Variants in FASTKD2 observed in about 807,000 individuals in gnomAD.
FASTKD2 encodes the protein FAST kinase domains 2.
A neutral mutation model predicts 63.6 loss-of-function variants in FASTKD2; 51 were observed. The ratio of observed to expected loss-of-function variants is 0.80; its 90% confidence interval spans 0.64 to 1.01. The LOEUF (loss-of-function observed/expected upper bound fraction) is 1.01, where lower values mean the gene tolerates loss of function less well. Among genes scored for constraint, FASTKD2 ranks in the 50% least tolerant of loss-of-function variants. FASTKD2 has a pLI of 0.00. For missense variants in FASTKD2, 786 were observed against 831.1 expected, an observed-to-expected ratio of 0.95 and a Z score of 0.67; for synonymous variants, 284 against 293.4, an observed-to-expected ratio of 0.97 and a Z score of 0.33.
At chr2:206,788,688 C>G (rs1222930028) in intron 9 of FASTKD2, 131 bp from the exon 10 acceptor site, 1 of 621,024 alleles carries the variant, frequency 1.6e-6, no homozygotes, top group Non-Finnish European at 2.8e-6. Context: ...GCTGAGATCA[C>G]ACTACTGCAC....
In FASTKD2 at chr2:206,793,787, A is replaced by G. The variant is rs890885533; in HGVS notation, c.*1985A>G. ...TAGCATTCTAGTGTTAGCATTCTTC[A>G]TTGCTTTGTGTCAATGAAAGAAAAA... On this transcript the variant is annotated 3_prime_UTR_variant, in exon 12 of 12. Coordinates refer to ENST00000402774, the MANE Select transcript of FASTKD2 (RefSeq NM_001136193.2). Among the ~76,000 whole-genome samples, 2 of 152,150 alleles carry G rather than the reference A, an allele frequency of 1.3e-5. No homozygotes were observed. Among genetic ancestry groups the G allele is most frequent in the Non-Finnish European group, 2.9e-5 (2 of 68,026 alleles).
rs372709084 is a variant in FASTKD2 at position 206,788,901 on chromosome 2, A to G, written c.1896A>G (p.Gln632=). The part of the protein sequence containing the change: ...DVDTTSATDI[Q]RVAVLCVSRS... ...ATACAACTTCTGCTACAGATATTCA[A>G]AGGTTGCTTACATATATTTCATTTG... The change falls in exon 10 of 12, where the codon CAA becomes CAG. Residue 632 remains glutamine (Q), a splice_region_variant and synonymous_variant. Coordinates refer to ENST00000402774, the MANE Select transcript of FASTKD2 (RefSeq NM_001136193.2). The G allele has an allele frequency of 8.6e-6, 13 of 1,505,260 alleles. No individual in the cohort carries two copies. In the East Asian group the frequency reaches 2.7e-4, roughly 31 times the overall value. The allele number at this position is 1,505,260 out of a possible 1,614,324, so 93.2% of individuals were successfully genotyped here.
rs72218499 is a variant in FASTKD2 at position 206,789,168 on chromosome 2, CAATATT to C, written c.1898+271_1898+276del. On this transcript the variant is annotated intron_variant, in intron 10 of 11. Coordinates refer to ENST00000402774, the MANE Select transcript of FASTKD2 (RefSeq NM_001136193.2). ...GTTTTGAAGCTATAGTTCAATAAAACAATATTAATATAATTGAAACTATCAATGCAG... is the reference window on the plus strand; with the variant it reads ...GTTTTGAAGCTATAGTTCAATAAAACAATATAATTGAAACTATCAATGCAG... The C allele has an allele frequency of 6.7e-3, 2,759 of 411,548 alleles. 64 individuals carry two copies. Among genetic ancestry groups the C allele is most frequent in the African/African-American group, 0.049 (2,424 of 49,362 alleles). The allele number at this position is 411,548 out of a possible 1,614,324, so 25.5% of individuals were successfully genotyped here.
Position 206,787,996 on chromosome 2 carries a change from A to T in FASTKD2, c.1654A>T (p.Thr552Ser). The change falls in exon 9 of 12, where the codon ACT becomes TCT. Residue 552 changes from threonine (T) to serine (S), a missense_variant. Coordinates refer to ENST00000402774, the MANE Select transcript of FASTKD2 (RefSeq NM_001136193.2). ...GGATACTTGTCTAAAACTTGATGAT[A>T]CTGTCTATCTGAGGGACATAGCCTT... ...TLDTCLKLDDTVYLRDIALSL... is the reference protein window; with the variant it reads ...TLDTCLKLDDSVYLRDIALSL... 1.2e-6 allele frequency: 2 copies of T among 1,613,744 alleles called. No individual in the cohort carries two copies. The highest frequency in any genetic ancestry group is 8.5e-7 in the Non-Finnish European group (1 of 1,179,686).
In FASTKD2 at chr2:206,786,953, C is replaced by T. The variant is rs1208181777; in HGVS notation, c.1594+54C>T. On this transcript the variant is annotated intron_variant, in intron 8 of 11. Transcript: ENST00000402774. ...AATTGTGACCAATTCTGCACTACCA[C>T]TAGCTACCATATGACTCTGAATGGG... 8.0e-6 allele frequency: 8 copies of T among 1,003,900 alleles called. No homozygotes were observed. In the African/African-American group the frequency reaches 1.3e-4, roughly 16 times the overall value. The allele number at this position is 1,003,900 out of a possible 1,614,324, so 62.2% of individuals were successfully genotyped here. A position where few individuals can be genotyped will look rare whatever the true frequency, so the allele number is the denominator to read the frequency against.
intron 7 of FASTKD2, among the ~76,000 whole-genome samples, chr2:206,781,832 T>C (rs1689990516): frequency 6.6e-6 from 1 of 152,040 alleles, no homozygotes; most frequent in African/African-American, 2.4e-5. Flanking sequence ...GACCCCTTTT[T>C]TTCCTACTTA....
chr2:206,766,572 A>G (rs1559357241), intron 1 of FASTKD2, 72 bp from the exon 2 acceptor site: 2 of 883,390 alleles, frequency 2.3e-6, no homozygotes, highest in South Asian at 2.9e-5. Context: ...CTCTTCTGTT[A>G]AATGCATTTC....
rs774299800 is a variant in FASTKD2, at chr2:206,790,567, T to G, written c.1899-5T>G. 1.9e-6 allele frequency: 3 copies of G among 1,539,154 alleles called. No homozygotes were observed. Among genetic ancestry groups the G allele is most frequent in the Non-Finnish European group, 2.7e-6 (3 of 1,111,996 alleles). The stretch of plus-strand genomic sequence containing the variant: ...TGTTCTTGTTTTGTTTATTTTTGTT[T>G]TCAGAGTAGCTGTGCTATGTGTTTC... On this transcript the variant is annotated splice_polypyrimidine_tract_variant and splice_region_variant and intron_variant, in intron 10 of 11. Coordinates refer to ENST00000402774, the MANE Select transcript of FASTKD2 (RefSeq NM_001136193.2).
chr2:206,784,503 G>A (rs1481594159), intron 7 of FASTKD2, among the ~76,000 whole-genome samples: 2 of 152,180 alleles, frequency 1.3e-5, no homozygotes, highest in South Asian at 2.1e-4. Context: ...ATCTTGCTGG[G>A]CTTTGAACCC....
chr2:206,781,977 A>C (rs1263020580), intron 7 of FASTKD2, among the ~76,000 whole-genome samples: 1 of 152,062 alleles, frequency 6.6e-6, no homozygotes, highest in East Asian at 1.9e-4. Context: ...TTTCCTCCTG[A>C]GGCTGAATCC....
At chr2:206,770,326 C>T in intron 3 of FASTKD2, 132 bp downstream of exon 3, 1 of 713,944 alleles carries the variant, frequency 1.4e-6, no homozygotes, top group East Asian at 2.7e-5. Context: ...TTGGTAGTTA[C>T]AGTCTTTCAT....
chr2:206,779,534 A>T (rs1394665277), intron 7 of FASTKD2, among the ~76,000 whole-genome samples: 1 of 152,206 alleles, frequency 6.6e-6, no homozygotes, highest in African/African-American at 2.4e-5. Context: ...AGAAGAGAGC[A>T]AGAGAAAGGG....
chr2:206,785,100 A>G (rs534320247), intron 7 of FASTKD2, among the ~76,000 whole-genome samples: 1 of 152,320 alleles, frequency 6.6e-6, no homozygotes, highest in Admixed American at 6.5e-5. Flanking sequence ...GACAAGAGAG[A>G]CAGCCAAGCA....
chr2:206,789,046 A>C, intron 10 of FASTKD2, 143 bp downstream of exon 10: 1 of 679,008 alleles, frequency 1.5e-6, no homozygotes, highest in East Asian at 2.7e-5. Context: ...TCATCCATCA[A>C]TGTACTCCTT....
At chr2:206,791,100 T>G (rs1574677163) in intron 11 of FASTKD2, 1 of 230,482 alleles carries the variant, frequency 4.3e-6, no homozygotes, top group Non-Finnish European at 8.6e-6. Context: ...GGCTGGATGG[T>G]TTTAAGAAGA....
chr2:206,768,988 T>C (rs775096751), intron 2 of FASTKD2, among the ~76,000 whole-genome samples: 2 of 152,242 alleles, frequency 1.3e-5, no homozygotes, highest in African/African-American at 4.8e-5. Flanking sequence ...TGGTCAGTGA[T>C]GCTCTTACTA....
intron 7 of FASTKD2, among the ~76,000 whole-genome samples, chr2:206,783,904 G>C (rs771070764): frequency 1.3e-5 from 2 of 152,186 alleles, no homozygotes; most frequent in African/African-American, 4.8e-5. Flanking sequence ...AGGGAGGTCT[G>C]TGCTACTGGC....
In FASTKD2 at chr2:206,791,860, G is replaced by T; in HGVS notation, c.*58G>T. 1.3e-6 allele frequency: 2 copies of T among 1,521,704 alleles called. No homozygotes were observed. The highest frequency in any genetic ancestry group is 2.3e-5 in the South Asian group (2 of 88,198). The allele number at this position is 1,521,704 out of a possible 1,614,324, so 94.3% of individuals were successfully genotyped here. ...TGCATTTGTAAAAATTAATAAAGAT[G>T]ACAAGTCAGTTGTCAATGGAATTGA... is the stretch of plus-strand genomic sequence containing the variant. On this transcript the variant is annotated 3_prime_UTR_variant, in exon 12 of 12. Coordinates refer to ENST00000402774, the MANE Select transcript of FASTKD2 (RefSeq NM_001136193.2).
At chr2:206,773,500 A>G (rs569855476) in intron 6 of FASTKD2, among the ~76,000 whole-genome samples, 119 of 152,288 alleles carry the variant, frequency 7.8e-4, no homozygotes, top group African/African-American at 2.8e-3. Flanking sequence ...TATCCAGAGT[A>G]AAAGCCTTTA....
Sources: gnomAD v4.1 joint callset for allele counts (sites outside exome capture counted in the v4.1 genomes callset) on GRCh38, gnomAD v4.1.1 for gene constraint, MANE v1.5 for transcripts, NCBI Gene and HGNC (gene_info 2026-07-23, HGNC 2026-07-21) for gene names.